Variants in CHD1 observed in about 807,000 individuals in gnomAD.
CHD1 encodes the protein chromodomain helicase DNA binding protein 1.
In CHD1, 36 loss-of-function variants were observed where a neutral mutation model predicts 224.2. That is an observed-to-expected ratio of 0.16 (90% confidence interval 0.12 to 0.21). The LOEUF (loss-of-function observed/expected upper bound fraction) is 0.21. Among genes scored for constraint, CHD1 ranks in the 10% least tolerant of loss-of-function variants. CHD1 has a pLI of 1.00. For missense variants in CHD1, 1,378 were observed against 1,994.8 expected (o/e 0.69, Z 5.89); for synonymous variants, 668 against 658.3 (o/e 1.01, Z -0.23).
At chr5:98,883,387 A>G (rs1750341670) in intron 18 of CHD1, 150 bp from the exon 19 acceptor site, 2 of 474,014 alleles carry the variant, frequency 4.2e-6, no homozygotes, top group South Asian at 4.5e-5. Flanking sequence ...AATCAAATAT[A>G]TATGTTATTA....
chr5:98,878,080 G>A (rs1749895574), intron 23 of CHD1, among the ~76,000 whole-genome samples: 1 of 152,194 alleles, frequency 6.6e-6, no homozygotes, highest in South Asian at 2.1e-4. Flanking sequence ...GAGGAGATCA[G>A]CTAAAATCTG....
intron 33 of CHD1, 54 bp downstream of exon 33, chr5:98,859,918 G>A: frequency 5.5e-6 from 5 of 910,796 alleles, no homozygotes. Flanking sequence ...TAAAAAGAAT[G>A]TCTCAAGGTT....
At chr5:98,923,486 G>A (rs1417033998) in intron 2 of CHD1, among the ~76,000 whole-genome samples, 1 of 150,410 alleles carries the variant, frequency 6.6e-6, no homozygotes, top group Non-Finnish European at 1.5e-5. Context: ...CGCAATCTCC[G>A]GCTCACTGCA....
intron 20 of CHD1, 114 bp downstream of exon 20, chr5:98,881,861 T>C (rs1476248046): frequency 4.4e-6 from 4 of 906,062 alleles, no homozygotes; most frequent in Admixed American, 2.8e-5. Flanking sequence ...TCTTCCAAAA[T>C]ATAAAAAGTA....
At chr5:98,919,764 G>A (rs1752970042) in intron 2 of CHD1, among the ~76,000 whole-genome samples, 1 of 152,184 alleles carries the variant, frequency 6.6e-6, no homozygotes, top group Non-Finnish European at 1.5e-5. Context: ...TAAGGATACA[G>A]AAATGACTAT....
At chr5:98,926,611 A>C (rs1580551194) in intron 1 of CHD1, 77 bp from the exon 2 acceptor site, 2 of 319,330 alleles carry the variant, frequency 6.3e-6, no homozygotes, top group Non-Finnish European at 1.1e-5. Context: ...AAAACGTATA[A>C]ATCTACGTAG....
chr5:98,894,788 C>T, intron 12 of CHD1, 102 bp from the exon 13 acceptor site: 1 of 540,364 alleles, frequency 1.9e-6, no homozygotes, highest in Admixed American at 3.4e-5. Context: ...ATGTAAGTAA[C>T]TATTAATATA....
intron 1 of CHD1, among the ~76,000 whole-genome samples, 192 bp downstream of exon 1, chr5:98,928,347 C>A (rs957595064): frequency 6.6e-5 from 10 of 152,204 alleles, no homozygotes; most frequent in African/African-American, 1.2e-4. Context: ...GTTCTGCGGC[C>A]CCGGCCTGTA....
chr5:98,914,991 G>A (rs1171062651), intron 2 of CHD1, among the ~76,000 whole-genome samples: 3 of 152,168 alleles, frequency 2.0e-5, no homozygotes, highest in Non-Finnish European at 4.4e-5. Flanking sequence ...AATCTGGAAA[G>A]TAGTAGGTAA....
chr5:98,874,235 T>C lies in CHD1; in HGVS notation c.3441-512A>G, dbSNP rs1213604758. Among the ~76,000 whole-genome samples the C allele has an allele frequency of 4.6e-5, 7 of 152,134 alleles. No homozygotes were observed. The South Asian group carries it at 1.0e-3, about 22-fold the overall frequency. ...TTTTAAGAGTAAAAAAATAAACTAA[T>C]TTGAGTCTTTGCTGATCTATATTCA... is the stretch of plus-strand genomic sequence containing the variant. On this transcript the variant is annotated intron_variant, in intron 25 of 35. Transcript: ENST00000614616.
At chr5:98,858,117 G>T (rs1159921180) in intron 35 of CHD1, 63 bp downstream of exon 35, 21 of 1,294,636 alleles carry the variant, frequency 1.6e-5, no homozygotes, top group Non-Finnish European at 2.3e-5. Context: ...TCAAATACAG[G>T]AACATCATGA....
Position 98,913,552 on chromosome 5 carries a change from T to C in CHD1, c.54-8454A>G, listed in dbSNP as rs569916994. On this transcript the variant is annotated intron_variant, in intron 2 of 35. Coordinates refer to ENST00000614616, the MANE Select transcript of CHD1 (RefSeq NM_001270.4). ...CGCACACTTCCCCCATAGGGTAAAT[T>C]TGGGACTAACTTGATGTTCTGAAGT... Among the ~76,000 whole-genome samples the C allele has an allele frequency of 2.0e-5, 3 of 152,318 alleles. No homozygotes were observed. The East Asian group carries it at 5.8e-4, about 29-fold the overall frequency.
chr5:98,926,360 A>G lies in CHD1; in HGVS notation c.27T>C (p.Ser9=). Residue 9 remains serine (S), a synonymous_variant, in exon 2 of 36, where the codon AGT becomes AGC. Coordinates refer to ENST00000614616, the MANE Select transcript of CHD1 (RefSeq NM_001270.4). ...TTGATTCTCCACTACTGTTTCTAAC[A>G]CTTTCTTCATCACTGTGTCCATTCA... MNGHSDEE[S]VRNSSGESSQ... 1 of 1,529,900 alleles carries G rather than the reference A, an allele frequency of 6.5e-7. No homozygotes were observed. The highest frequency in any genetic ancestry group is 8.8e-7 in the Non-Finnish European group (1 of 1,138,358). The allele number at this position is 1,529,900 out of a possible 1,614,324, so 94.8% of individuals were successfully genotyped here.
intron 30 of CHD1, chr5:98,869,049 CTTCT>C: frequency 2.3e-6 from 2 of 879,992 alleles, no homozygotes; most frequent in Non-Finnish European, 1.4e-6. Context: ...TTCTGTATAG[CTTCT>C]TTTACTTTGT....
rs1163999418 is a variant in CHD1 at position 98,893,555 on chromosome 5, G to T, written c.1852C>A (p.Arg618=). Residue 618 remains arginine (R), a synonymous_variant, in exon 14 of 36, where the codon CGA becomes AGA. Transcript: ENST00000614616. ...WAFIGVDEAH[R]LKNDDSLLYK... ...AGAAGGGAGTCATCATTCTTTAATC[G>T]GTGTGCTTCATCAACACCTATAAAT... 2 of 1,609,064 alleles carry T rather than the reference G, an allele frequency of 1.2e-6. No homozygotes were observed. The highest frequency in any genetic ancestry group is 1.7e-6 in the Non-Finnish European group (2 of 1,177,592).
chr5:98,896,206 T>C lies in CHD1; in HGVS notation c.1710+20A>G. 6.3e-7 allele frequency: 1 copy of C among 1,582,232 alleles called. No individual in the cohort carries two copies. On this transcript the variant is annotated intron_variant, in intron 12 of 35. Coordinates refer to ENST00000614616, the MANE Select transcript of CHD1 (RefSeq NM_001270.4). The stretch of plus-strand genomic sequence containing the variant: ...AGACAAGTACATTTTGATTTCTACA[T>C]TTACAGGGAAACAACTTACCATGTT...
intron 1 of CHD1, among the ~76,000 whole-genome samples, chr5:98,927,906 C>T (rs543632960): frequency 6.6e-6 from 1 of 152,196 alleles, no homozygotes; most frequent in Non-Finnish European, 1.5e-5. Context: ...TGTGTCCTCT[C>T]AAGCGTCTCC....
At position 98,857,093 on chromosome 5, in the gene CHD1, C is replaced by CT. The variant is rs570409053; in HGVS notation, c.4788-369dup. On this transcript the variant is annotated intron_variant, in intron 35 of 35. Transcript: ENST00000614616. ...TCTGAAATACTCCTGAGACCAGAGC[C>CT]TTTTACCAACCTCTAAGCAGGAAAA... Among the ~76,000 whole-genome samples, 415 of 152,184 alleles carry CT rather than the reference C, an allele frequency of 2.7e-3. 2 individuals are homozygous for CT. The highest frequency in any genetic ancestry group is 4.9e-3 in the Non-Finnish European group (336 of 67,978).
intron 26 of CHD1, 34 bp downstream of exon 26, chr5:98,873,559 C>T: frequency 2.0e-6 from 3 of 1,501,192 alleles, no homozygotes; most frequent in Non-Finnish European, 2.7e-6. Context: ...CTTTCATTTA[C>T]TTCTCTTTTA....
Sources: gnomAD v4.1 joint callset for allele counts (sites outside exome capture counted in the v4.1 genomes callset) on GRCh38, gnomAD v4.1.1 for gene constraint, MANE v1.5 for transcripts, NCBI Gene and HGNC (gene_info 2026-07-23, HGNC 2026-07-21) for gene names.